OSBPL8: variants seen among roughly 807,000 people sequenced by gnomAD.
OSBPL8 encodes the protein oxysterol binding protein like 8, also known as oxysterol-binding protein-related protein 8.
Under a neutral mutation model 125.5 loss-of-function variants are expected in OSBPL8, and 59 were observed. The ratio of observed to expected loss-of-function variants is 0.47; its 90% CI spans 0.38 to 0.58. OSBPL8 has a LOEUF of 0.58. OSBPL8 is among the 20% of genes least tolerant of loss of function. OSBPL8 has a pLI of 0.00. For synonymous variants in OSBPL8, 330 were observed against 338.9 expected (o/e 0.97, Z 0.29); for missense variants, 758 against 1,047.8 (o/e 0.72, Z 3.82).
chr12:76,461,447 A>T (rs1592722740), intron 2 of OSBPL8, among the ~76,000 whole-genome samples: 1 of 152,064 alleles, frequency 6.6e-6, no homozygotes. Flanking sequence ...CTCCATCCCC[A>T]GTCTTTCGTT....
chr12:76,415,488 T>C (rs933366509), intron 4 of OSBPL8, among the ~76,000 whole-genome samples: 1 of 152,182 alleles, frequency 6.6e-6, no homozygotes, highest in Admixed American at 6.5e-5. Flanking sequence ...CCTCAAGTGA[T>C]CCACCCGCCT....
intron 1 of OSBPL8, among the ~76,000 whole-genome samples, chr12:76,555,589 G>C (rs776166580): frequency 1.3e-5 from 2 of 152,188 alleles, no homozygotes; most frequent in Non-Finnish European, 2.9e-5. Context: ...CATTGAGGTA[G>C]GCACATTCAT....
At position 76,355,916 on chromosome 12, in the gene OSBPL8, T is replaced by C; in HGVS notation, c.2643A>G (p.Gln881=). Residue 881 remains glutamine, a synonymous_variant, in exon 24 of 24, where the codon CAA becomes CAG. Transcript: ENST00000261183. ...ACTTGAACATGAAGTTTATTATGAC[T>C]TGAAGCAAAATCAGGAGGAAAATGA... is the stretch of plus-strand genomic sequence containing the variant. ...YFIIFLLILL[Q]VIINFMFK 6.2e-7 allele frequency: 1 copy of C among 1,613,690 alleles called. No homozygotes were observed. The highest frequency in any genetic ancestry group is 1.1e-5 in the South Asian group (1 of 91,052).
chr12:76,445,898 T>C (rs1261569513), intron 4 of OSBPL8, among the ~76,000 whole-genome samples: 1 of 152,134 alleles, frequency 6.6e-6, no homozygotes, highest in Non-Finnish European at 1.5e-5. Flanking sequence ...CATAATGGAA[T>C]TCTATCAAAA....
At chr12:76,387,185 G>A (rs1953349998) in intron 12 of OSBPL8, among the ~76,000 whole-genome samples, 1 of 152,132 alleles carries the variant, frequency 6.6e-6, no homozygotes, top group Non-Finnish European at 1.5e-5. Context: ...TGGTAAACTG[G>A]TGGATGCTGT....
chr12:76,493,196 TGA>T (rs1252457126), intron 1 of OSBPL8, among the ~76,000 whole-genome samples: 2 of 152,224 alleles, frequency 1.3e-5, no homozygotes, highest in Admixed American at 6.5e-5. Flanking sequence ...ACAGGATTGT[TGA>T]GAGGACCCCA....
At chr12:76,410,071 C>G (rs1954446997) in intron 5 of OSBPL8, among the ~76,000 whole-genome samples, 1 of 152,068 alleles carries the variant, frequency 6.6e-6, no homozygotes, top group Non-Finnish European at 1.5e-5. Context: ...CTTAACAGGC[C>G]TAAGAATGTG....
chr12:76,396,306 G>A (rs761193392), intron 8 of OSBPL8, among the ~76,000 whole-genome samples: 6 of 151,984 alleles, frequency 3.9e-5, no homozygotes, highest in South Asian at 2.1e-4. Context: ...TGTGTATTAC[G>A]TTATTAAGCA....
chr12:76,472,423 G>C (rs1321536349), intron 2 of OSBPL8, among the ~76,000 whole-genome samples: 2 of 152,178 alleles, frequency 1.3e-5, no homozygotes, highest in Non-Finnish European at 2.9e-5. Flanking sequence ...GTGGAGACAA[G>C]ATATTGTAGA....
At chr12:76,421,063 C>G (rs548001658) in intron 4 of OSBPL8, among the ~76,000 whole-genome samples, 3 of 152,028 alleles carry the variant, frequency 2.0e-5, no homozygotes, top group African/African-American at 7.2e-5. Context: ...AACTTAAAAG[C>G]TAAGTTTTCT....
chr12:76,538,239 ATG>A (rs1251731546), intron 1 of OSBPL8, among the ~76,000 whole-genome samples: 2 of 152,224 alleles, frequency 1.3e-5, no homozygotes, highest in Non-Finnish European at 1.5e-5. Flanking sequence ...TAAAAATTTG[ATG>A]TGTTATATTG....
chr12:76,547,564 G>C (rs1221613391), intron 1 of OSBPL8, among the ~76,000 whole-genome samples: 3 of 152,068 alleles, frequency 2.0e-5, no homozygotes, highest in African/African-American at 7.2e-5. Context: ...AGATAACACA[G>C]AAGACAAGGA....
At chr12:76,407,833 C>T (rs796844969) in intron 5 of OSBPL8, among the ~76,000 whole-genome samples, 22 of 151,880 alleles carry the variant, frequency 1.4e-4, no homozygotes, top group African/African-American at 5.1e-4. Flanking sequence ...TCTTACCTCC[C>T]GTGAACAAAA....
chr12:76,546,146 C>T (rs559614956), intron 1 of OSBPL8, among the ~76,000 whole-genome samples: 1 of 152,260 alleles, frequency 6.6e-6, no homozygotes, highest in East Asian at 1.9e-4. Flanking sequence ...CAATTCCCTG[C>T]TTATAGCAAG....
chr12:76,388,439 T>G (rs1007405041), intron 12 of OSBPL8, among the ~76,000 whole-genome samples: 8 of 152,296 alleles, frequency 5.3e-5, no homozygotes, highest in African/African-American at 1.9e-4. Context: ...AAGTACAATC[T>G]TTCTATTTGA....
chr12:76,525,889 G>A (rs1054194513), intron 1 of OSBPL8, among the ~76,000 whole-genome samples: 4 of 152,204 alleles, frequency 2.6e-5, no homozygotes, highest in African/African-American at 9.7e-5. Context: ...CACTGAACTA[G>A]TATTTTTGAA....
At chr12:76,418,120 A>G (rs1317236740) in intron 4 of OSBPL8, among the ~76,000 whole-genome samples, 1 of 150,342 alleles carries the variant, frequency 6.7e-6, no homozygotes, top group African/African-American at 2.5e-5. Context: ...GGTTCAAGCA[A>G]TTAGCCTCCC....
At position 76,506,155 on chromosome 12, in the gene OSBPL8, A is replaced by G. The variant is rs370531964; in HGVS notation, c.-67-18537T>C. Among the ~76,000 whole-genome samples the G allele has an allele frequency of 5.6e-4, 85 of 152,356 alleles. 2 individuals are homozygous for G. The highest frequency in any genetic ancestry group is 2.0e-3 in the African/African-American group (84 of 41,578). On this transcript the variant is annotated intron_variant, in intron 1 of 23. Transcript: ENST00000261183. ...TTTTAAAAAAGAGAGGCAGGAACTT[A>G]AGCAGAGTTTGTGCCCAAAGCAATT...
chr12:76,397,983 A>G (rs886306868), intron 7 of OSBPL8, 86 bp from the exon 8 acceptor site: 17 of 1,158,568 alleles, frequency 1.5e-5, no homozygotes, highest in Non-Finnish European at 2.0e-5. Context: ...GTTTTAATCT[A>G]AAATTTCCAT....
Sources: allele counts gnomAD v4.1 joint callset (sites outside exome capture counted in the v4.1 genomes callset), GRCh38; gene constraint gnomAD v4.1.1; transcripts MANE v1.5; gene names NCBI Gene and HGNC (gene_info 2026-07-23, HGNC 2026-07-21).